FRY: variants seen among roughly 807,000 people sequenced by gnomAD.
FRY encodes the protein FRY microtubule binding protein.
FRY carries 128 observed loss-of-function variants against 348.4 expected under a neutral mutation model. The observed-to-expected ratio is 0.37, with a 90% CI of 0.32 to 0.43. The LOEUF (loss-of-function observed/expected upper bound fraction) is 0.43, where lower values mean the gene tolerates loss of function less well. Ranked by LOEUF, FRY falls within the 20% of genes least tolerant of loss-of-function variation. The pLI is 1.00. For synonymous variants in FRY, 1,370 were observed against 1,374.7 expected (o/e 1.00, Z 0.08); for missense variants, 2,736 against 3,695.2 (o/e 0.74, Z 6.73).
chr13:32,054,671 A>C (rs2138417732), intron 1 of FRY, among the ~76,000 whole-genome samples: 1 of 152,220 alleles, frequency 6.6e-6, no homozygotes, highest in East Asian at 1.9e-4. Context: ...CAGGAGATCA[A>C]GACCATCCTG....
chr13:32,280,572 G>A, intron 58 of FRY, among the ~76,000 whole-genome samples: 1 of 152,204 alleles, frequency 6.6e-6, no homozygotes, highest in Non-Finnish European at 1.5e-5. Context: ...CCAGAGAACA[G>A]TTATATCAGG....
At chr13:32,048,108 ACCCT>A (rs1158319316) in intron 1 of FRY, among the ~76,000 whole-genome samples, 11 of 151,810 alleles carry the variant, frequency 7.2e-5, no homozygotes, top group Admixed American at 2.0e-4. Flanking sequence ...TCATTTTTCT[ACCCT>A]CTAGCACATC....
rs372042467 is a variant in FRY at position 32,249,766 on chromosome 13, C to T, written c.7170+79C>T. 85 of 1,303,078 alleles carry T rather than the reference C, an allele frequency of 6.5e-5. No homozygotes were observed. In the South Asian group the frequency reaches 1.0e-3, roughly 16 times the overall value. The allele number at this position is 1,303,078 out of a possible 1,614,324, so 80.7% of individuals were successfully genotyped here. On this transcript the variant is annotated intron_variant, in intron 49 of 60. Transcript: ENST00000542859. The stretch of plus-strand genomic sequence containing the variant: ...CCATGTGGCTGGGTCATAAGGGATT[C>T]CCTCTCACCATCCCAAGGTTGCCCA...
rs1237201869 is a variant in FRY, at chr13:32,273,172, TACTC to T, written c.8137-1668_8137-1665del. 5.1e-4 allele frequency among the ~76,000 whole-genome samples: 77 copies of T among 152,012 alleles called. 1 individual carries two copies. The highest frequency in any genetic ancestry group is 5.0e-3 in the Admixed American group (77 of 15,264). ...TAAACTTTGGAGTCAGACCCGTCCT[TACTC>T]ATTCACTTACTAGTTGCATGACCTT... On this transcript the variant is annotated intron_variant, in intron 55 of 60. Coordinates refer to ENST00000542859, the MANE Select transcript of FRY (RefSeq NM_023037.3).
chr13:32,229,877 A>G (rs551307739), intron 40 of FRY, among the ~76,000 whole-genome samples: 1 of 152,348 alleles, frequency 6.6e-6, no homozygotes, highest in Non-Finnish European at 1.5e-5. Flanking sequence ...ACAAACAAAC[A>G]TGTAGCACTT....
At chr13:32,251,039 T>C (rs1887052722) in intron 49 of FRY, among the ~76,000 whole-genome samples, 1 of 152,216 alleles carries the variant, frequency 6.6e-6, no homozygotes, top group Non-Finnish European at 1.5e-5. Flanking sequence ...ATGCAGTGAA[T>C]TGAGTTCCGT....
At chr13:32,114,149 G>A (rs1878151374) in intron 3 of FRY, among the ~76,000 whole-genome samples, 1 of 152,170 alleles carries the variant, frequency 6.6e-6, no homozygotes, top group Admixed American at 6.5e-5. Flanking sequence ...TCTTTTATGG[G>A]TCTGTAGTGA....
intron 48 of FRY, among the ~76,000 whole-genome samples, chr13:32,248,404 G>A (rs2138498560): frequency 6.6e-6 from 1 of 152,200 alleles, no homozygotes; most frequent in African/African-American, 2.4e-5. Context: ...CAAGGGGAGG[G>A]ATAGCATTAG....
chr13:32,142,187 T>C (rs1172499842), intron 11 of FRY, among the ~76,000 whole-genome samples: 1 of 152,160 alleles, frequency 6.6e-6, no homozygotes, highest in Non-Finnish European at 1.5e-5. Context: ...ACCAATAGCA[T>C]ATGTGTGCAG....
Position 32,133,768 on chromosome 13 carries a change from CT to C in FRY, c.886-1114del, listed in dbSNP as rs34413710. On this transcript the variant is annotated intron_variant, in intron 8 of 60. Transcript: ENST00000542859. Reference sequence around the variant, plus strand: ...CTTTCTTTTCTTTCTTTCTTTCTTTCTTTTTTTTTTTTTTTTTTTTTTGAAT... The same window carrying C: ...CTTTCTTTTCTTTCTTTCTTTCTTTCTTTTTTTTTTTTTTTTTTTTTGAAT... Among the ~76,000 whole-genome samples, 779 of 89,294 alleles carry C rather than the reference CT, an allele frequency of 8.7e-3. 1 individual carries two copies. Among genetic ancestry groups the C allele is most frequent in the African/African-American group, 0.026 (589 of 23,068 alleles). 58.6% of individuals were successfully genotyped at this position (89,294 alleles called of 152,430 possible). A position where few individuals can be genotyped will look rare whatever the true frequency, so the allele number is the denominator to read the frequency against.
chr13:32,102,996 G>A (rs1354554374), intron 3 of FRY, among the ~76,000 whole-genome samples: 1 of 152,152 alleles, frequency 6.6e-6, no homozygotes, highest in African/African-American at 2.4e-5. Flanking sequence ...AAATCCAGAG[G>A]AAGTCTCCCT....
intron 27 of FRY, among the ~76,000 whole-genome samples, chr13:32,186,704 G>A (rs910094128): frequency 3.9e-5 from 6 of 152,042 alleles, no homozygotes; most frequent in African/African-American, 1.4e-4. Flanking sequence ...GAAAAAAATA[G>A]ACATCACCTC....
chr13:32,227,911 T>C (rs199639457), intron 39 of FRY, among the ~76,000 whole-genome samples: 3 of 151,972 alleles, frequency 2.0e-5, no homozygotes, highest in Admixed American at 6.6e-5. Context: ...ACCACCACGC[T>C]CGGCTAATTT....
intron 2 of FRY, among the ~76,000 whole-genome samples, chr13:32,079,703 A>G (rs1875350933): frequency 6.6e-6 from 1 of 152,194 alleles, no homozygotes; most frequent in Non-Finnish European, 1.5e-5. Context: ...AGGACTCTAA[A>G]GAGCACTGAA....
At chr13:32,166,066 C>A (rs551280150) in intron 17 of FRY, among the ~76,000 whole-genome samples, 1 of 151,284 alleles carries the variant, frequency 6.6e-6, no homozygotes, top group Non-Finnish European at 1.5e-5. Flanking sequence ...GAGAATCATG[C>A]CAGGCCTGCT....
At chr13:32,134,793 T>C in intron 8 of FRY, 111 bp from the exon 9 acceptor site, 1 of 786,750 alleles carries the variant, frequency 1.3e-6, no homozygotes, top group Non-Finnish European at 2.3e-6. Context: ...TGGAATATGC[T>C]CTGTTGATAC....
intron 55 of FRY, among the ~76,000 whole-genome samples, chr13:32,272,345 T>C (rs1447163829): frequency 2.0e-5 from 3 of 152,258 alleles, no homozygotes; most frequent in African/African-American, 7.2e-5. Flanking sequence ...GAATGGTTTC[T>C]GTCGGTACAG....
At chr13:32,094,590 C>A (rs1276830967) in intron 2 of FRY, among the ~76,000 whole-genome samples, 2 of 152,106 alleles carry the variant, frequency 1.3e-5, no homozygotes, top group African/African-American at 4.8e-5. Context: ...CTTTAGATCC[C>A]ACAAATAAGT....
intron 55 of FRY, among the ~76,000 whole-genome samples, chr13:32,267,910 G>T (rs1888000666): frequency 6.6e-6 from 1 of 152,156 alleles, no homozygotes; most frequent in South Asian, 2.1e-4. Context: ...CTACTTGGTA[G>T]CCCTTAAGAA....
Sources: gnomAD v4.1 joint callset for allele counts (sites outside exome capture counted in the v4.1 genomes callset) on GRCh38, gnomAD v4.1.1 for gene constraint, MANE v1.5 for transcripts, NCBI Gene and HGNC (gene_info 2026-07-23, HGNC 2026-07-21) for gene names.